Variants in ZC3H18 observed in about 807,000 individuals in gnomAD.
ZC3H18 encodes zinc finger CCCH domain-containing protein 18.
Under a neutral mutation model 106.1 loss-of-function variants are expected in ZC3H18, and 8 were observed. The ratio of observed to expected loss-of-function variants is 0.08; its 90% CI spans 0.04 to 0.14. The LOEUF (loss-of-function observed/expected upper bound fraction) is 0.14, where lower values mean the gene tolerates loss of function less well. Ranked by LOEUF, ZC3H18 falls within the 10% of genes least tolerant of loss-of-function variation. The pLI is 1.00. For missense variants in ZC3H18, 1,318 were observed against 1,278.4 expected, an observed-to-expected ratio of 1.03 and a Z score of -0.47; for synonymous variants, 635 against 522.1, an observed-to-expected ratio of 1.22 and a Z score of -2.95.
intron 8 of ZC3H18, among the ~76,000 whole-genome samples, chr16:88,616,340 G>A (rs541611207): frequency 2.0e-5 from 3 of 152,202 alleles, no homozygotes; most frequent in African/African-American, 4.8e-5. Context: ...CGAGGCTCAC[G>A]TCCCTTTCTT....
chr16:88,605,501 G>A (rs1036144262), intron 6 of ZC3H18, among the ~76,000 whole-genome samples: 1 of 152,208 alleles, frequency 6.6e-6, no homozygotes, highest in Non-Finnish European at 1.5e-5. Context: ...TTCACCTTGG[G>A]TCTCTGCAGC....
Position 88,609,036 on chromosome 16 carries a change from G to A in ZC3H18, c.1191G>A (p.Pro397=), listed in dbSNP as rs149949962. 6.6e-5 allele frequency: 107 copies of A among 1,612,386 alleles called. No homozygotes were observed. The highest frequency in any genetic ancestry group is 3.3e-4 in the Middle Eastern group (2 of 6,078). ...NFRVQYTETE[P]YHNYRERERE... ...GGGTGCAGTATACAGAAACAGAGCC[G>A]TATCATAATTACCGAGTAAGTATGA... Residue 397 remains proline, a synonymous_variant, in exon 7 of 18, where the codon CCG becomes CCA. Coordinates refer to ENST00000301011, the MANE Select transcript of ZC3H18 (RefSeq NM_144604.4).
Position 88,586,714 on chromosome 16 carries a change from A to G in ZC3H18, c.688+30A>G, listed in dbSNP as rs555331305. On this transcript the variant is annotated intron_variant, in intron 3 of 17. Coordinates refer to ENST00000301011, the MANE Select transcript of ZC3H18 (RefSeq NM_144604.4). ...TTGTCTGCGTGTGAGGCCTTCTCGC[A>G]GCCAGCTGGGGCCCCACCTTCTGGG... The G allele has an allele frequency of 2.4e-4, 379 of 1,603,098 alleles. 2 individuals are homozygous for G. In the East Asian group the frequency reaches 2.6e-3, roughly 11 times the overall value.
chr16:88,624,831 C>G, intron 12 of ZC3H18, 86 bp downstream of exon 12: 1 of 1,489,646 alleles, frequency 6.7e-7, no homozygotes, highest in Non-Finnish European at 8.9e-7. Flanking sequence ...TCCAGAGTGC[C>G]AGGGTCCAGA....
chr16:88,602,672 G>A (rs1904808012), intron 6 of ZC3H18, among the ~76,000 whole-genome samples: 1 of 152,190 alleles, frequency 6.6e-6, no homozygotes, highest in South Asian at 2.1e-4. Context: ...ATTTCCTAAT[G>A]TCGAGAGTTT....
chr16:88,623,736 C>T (rs888834097), intron 10 of ZC3H18: 11 of 791,866 alleles, frequency 1.4e-5, no homozygotes, highest in South Asian at 2.4e-5. Context: ...ACTCGCCTCC[C>T]GGAGGACCCG....
At chr16:88,590,924 T>G (rs1293274247) in intron 3 of ZC3H18, among the ~76,000 whole-genome samples, 1 of 151,078 alleles carries the variant, frequency 6.6e-6, no homozygotes, top group Non-Finnish European at 1.5e-5. Context: ...TTGGGTCTGA[T>G]CTCCTTGGCT....
intron 8 of ZC3H18, 44 bp from the exon 9 acceptor site, chr16:88,622,153 A>G (rs1175735440): frequency 1.9e-6 from 3 of 1,575,566 alleles, no homozygotes; most frequent in African/African-American, 2.7e-5. Context: ...ATTGCTGTGA[A>G]GCGGAAGGTG....
At chr16:88,612,833 T>C (rs1301407309) in intron 8 of ZC3H18, among the ~76,000 whole-genome samples, 1 of 150,746 alleles carries the variant, frequency 6.6e-6, no homozygotes, top group East Asian at 2.0e-4. Context: ...AAATCCCGTC[T>C]CTACAAAAAA....
chr16:88,582,645 C>T (rs1002756911), intron 2 of ZC3H18, among the ~76,000 whole-genome samples: 2 of 152,148 alleles, frequency 1.3e-5, no homozygotes, highest in Admixed American at 6.6e-5. Flanking sequence ...GGAAAAAGGG[C>T]CCCGTAGCAT....
At position 88,603,277 on chromosome 16, in the gene ZC3H18, T is replaced by C. The variant is rs115247531; in HGVS notation, c.1088+3329T>C. On this transcript the variant is annotated intron_variant, in intron 6 of 17. Transcript: ENST00000301011. ...CACCGCACCTGGCCTGTTTTTTCTT[T>C]ATATCTCTTTTGGAATTAAAAACTG... 8.1e-3 allele frequency among the ~76,000 whole-genome samples: 1,220 copies of C among 151,362 alleles called. 22 individuals carry two copies. Among genetic ancestry groups the C allele is most frequent in the African/African-American group, 0.028 (1,149 of 41,352 alleles).
At chr16:88,614,372 C>T (rs1905451252) in intron 8 of ZC3H18, among the ~76,000 whole-genome samples, 1 of 152,226 alleles carries the variant, frequency 6.6e-6, no homozygotes, top group African/African-American at 2.4e-5. Context: ...TCATCTTGTC[C>T]GTGTGGCTGG....
chr16:88,627,556 A>T lies in ZC3H18; in HGVS notation c.2109-66A>T. 6.5e-7 allele frequency: 1 copy of T among 1,538,192 alleles called. No homozygotes were observed. Among genetic ancestry groups the T allele is most frequent in the Non-Finnish European group, 8.8e-7 (1 of 1,138,222 alleles). ...GACACTGCGTAAAAGTGGACCATGG[A>T]GCACCCCCTGCTGGCCCCTCCCTCC... On this transcript the variant is annotated intron_variant, in intron 13 of 17. Coordinates refer to ENST00000301011, the MANE Select transcript of ZC3H18 (RefSeq NM_144604.4). This position sits in a 1 kb window ranked among gnomAD's most constrained non-coding sequence, Gnocchi z 4.5.
intron 2 of ZC3H18, among the ~76,000 whole-genome samples, chr16:88,585,002 T>C (rs1915353059): frequency 6.6e-6 from 1 of 152,254 alleles, no homozygotes; most frequent in Non-Finnish European, 1.5e-5. Flanking sequence ...AGATTTGAGC[T>C]TACATAGAAT....
chr16:88,620,093 C>G (rs977388948), intron 8 of ZC3H18, among the ~76,000 whole-genome samples: 1 of 152,202 alleles, frequency 6.6e-6, no homozygotes, highest in Non-Finnish European at 1.5e-5. Context: ...CTGCCCCCAT[C>G]CTGCATTCTC....
At chr16:88,600,737 C>G (rs1904705273) in intron 6 of ZC3H18, among the ~76,000 whole-genome samples, 1 of 152,208 alleles carries the variant, frequency 6.6e-6, no homozygotes, top group Admixed American at 6.5e-5. Context: ...CTTTAAAAAT[C>G]CTGTCTTAAC....
At chr16:88,628,649 C>T in intron 15 of ZC3H18, 109 bp from the exon 16 acceptor site, 2 of 1,192,000 alleles carry the variant, frequency 1.7e-6, no homozygotes, top group South Asian at 1.3e-5. Context: ...TGTGGTGGGA[C>T]CTTTGGGAGC....
At chr16:88,630,434 G>A (rs1177527423) in intron 16 of ZC3H18, 51 bp from the exon 17 acceptor site, 1 of 1,505,460 alleles carries the variant, frequency 6.6e-7, no homozygotes. Flanking sequence ...CACCCACACA[G>A]CCATTCCCTG....
At chr16:88,608,760 C>G in intron 6 of ZC3H18, 174 bp from the exon 7 acceptor site, 2 of 534,036 alleles carry the variant, frequency 3.7e-6, no homozygotes, top group Middle Eastern at 4.3e-4. Flanking sequence ...TGACTTCTGG[C>G]CTGCTCTTAG....
Sources: gnomAD v4.1 joint callset for allele counts (sites outside exome capture counted in the v4.1 genomes callset) on GRCh38, gnomAD v4.1.1 for gene constraint, Gnocchi (gnomAD v3.1) non-coding constraint, MANE v1.5 for transcripts, NCBI Gene and HGNC (gene_info 2026-07-23, HGNC 2026-07-21) for gene names.